GCNT2: variants seen among roughly 807,000 people sequenced by gnomAD.
GCNT2 encodes the protein N-acetyllactosaminide beta-1,6-N-acetylglucosaminyl-transferase.
A neutral mutation model predicts 34.2 loss-of-function variants in GCNT2; 34 were observed. That is an observed-to-expected ratio of 1.00 (90% CI 0.76 to 1.32). GCNT2 has a LOEUF of 1.32. Ranked by LOEUF, GCNT2 falls within the 40% of genes most tolerant of loss-of-function variation. The pLI, the probability that GCNT2 is intolerant of heterozygous loss-of-function variation, is 0.00. For synonymous variants in GCNT2, 212 were observed against 188.0 expected (o/e 1.13, Z -1.04); for missense variants, 584 against 489.4 (o/e 1.19, Z -1.82).
chr6:10,585,525 A>C (rs1202377078), intron 3 of GCNT2, among the ~76,000 whole-genome samples: 1 of 152,176 alleles, frequency 6.6e-6, no homozygotes, highest in Admixed American at 6.5e-5. Context: ...AGAGCCTCTG[A>C]TTCTAGAAGG....
At chr6:10,591,893 G>A (rs1451206460) in intron 3 of GCNT2, among the ~76,000 whole-genome samples, 1 of 152,200 alleles carries the variant, frequency 6.6e-6, no homozygotes, top group East Asian at 1.9e-4. Flanking sequence ...TTCTCTGCAG[G>A]AAGGTCACTG....
In GCNT2 at chr6:10,615,047, G is replaced by A. The variant is rs929953559; in HGVS notation, c.926-6304G>A. Among the ~76,000 whole-genome samples, 27 of 152,142 alleles carry A rather than the reference G, an allele frequency of 1.8e-4. 1 individual carries two copies. Among genetic ancestry groups the A allele is most frequent in the Admixed American group, 1.7e-3 (26 of 15,276 alleles). On this transcript the variant is annotated intron_variant, in intron 3 of 4. Coordinates refer to ENST00000495262, the MANE Select transcript of GCNT2 (RefSeq NM_145649.5). ...AACAAGTTAGTTACAATTAACCCAAGGATATAGGGACCAGATTCACTCACA... is the reference window on the plus strand; with the variant it reads ...AACAAGTTAGTTACAATTAACCCAAAGATATAGGGACCAGATTCACTCACA...
rs1379450494 is a variant in GCNT2, at chr6:10,582,453, TATATAATAA to T, written c.926-38889_926-38881del. Among the ~76,000 whole-genome samples the T allele has an allele frequency of 5.1e-4, 65 of 127,528 alleles. 2 individuals are homozygous for T. The highest frequency in any genetic ancestry group is 1.9e-3 in the African/African-American group (61 of 32,924). 83.7% of individuals were successfully genotyped at this position (127,528 alleles called of 152,430 possible). The stretch of plus-strand genomic sequence containing the variant: ...ATAATTTAATATTTATTATATAATA[TATATAATAA>T]ATATAATATATACTATAATATATAC... On this transcript the variant is annotated intron_variant, in intron 3 of 4. Transcript: ENST00000495262.
chr6:10,529,952 T>C (rs1220090654), intron 3 of GCNT2, 116 bp downstream of exon 3: 15 of 886,416 alleles, frequency 1.7e-5, no homozygotes, highest in African/African-American at 5.1e-5. Context: ...GTTTTAAATG[T>C]CAAATTAAAA....
At chr6:10,546,348 T>C (rs1009750438) in intron 3 of GCNT2, among the ~76,000 whole-genome samples, 18 of 152,240 alleles carry the variant, frequency 1.2e-4, no homozygotes, top group African/African-American at 4.1e-4. Context: ...TTGACTCCCC[T>C]AAAACTCAAC....
intron 3 of GCNT2, among the ~76,000 whole-genome samples, chr6:10,554,747 C>G (rs1762619294): frequency 6.6e-6 from 1 of 152,120 alleles, no homozygotes; most frequent in South Asian, 2.1e-4. Flanking sequence ...ATAGAAGACA[C>G]TAAGAATTAG....
chr6:10,533,915 C>T (rs1761630694), intron 3 of GCNT2, among the ~76,000 whole-genome samples: 1 of 151,664 alleles, frequency 6.6e-6, no homozygotes, highest in African/African-American at 2.4e-5. Context: ...GACCACGCAT[C>T]CTCATTGCTG....
chr6:10,555,134 G>A (rs946461376), intron 3 of GCNT2, among the ~76,000 whole-genome samples: 4 of 152,202 alleles, frequency 2.6e-5, no homozygotes, highest in African/African-American at 7.2e-5. Flanking sequence ...GGTAGTGAAC[G>A]TGTTGGGGTT....
chr6:10,570,757 C>T (rs974224679), intron 3 of GCNT2, among the ~76,000 whole-genome samples: 1 of 152,216 alleles, frequency 6.6e-6, no homozygotes, highest in African/African-American at 2.4e-5. Context: ...GTGAAAACTA[C>T]TGTCCCCAAG....
intron 3 of GCNT2, among the ~76,000 whole-genome samples, chr6:10,565,236 C>T (rs1303242226): frequency 6.6e-6 from 1 of 152,222 alleles, no homozygotes; most frequent in Non-Finnish European, 1.5e-5. Context: ...CAGGCCCTTG[C>T]AGGAGGCCAG....
chr6:10,588,770 T>G (rs927913021), intron 3 of GCNT2, among the ~76,000 whole-genome samples: 1 of 143,112 alleles, frequency 7.0e-6, no homozygotes, highest in African/African-American at 2.6e-5. Context: ...GTGGTGTGTT[T>G]GTAGTGTGTG....
intron 3 of GCNT2, among the ~76,000 whole-genome samples, chr6:10,597,266 G>A (rs1300110941): frequency 2.7e-5 from 4 of 145,738 alleles, no homozygotes; most frequent in African/African-American, 5.1e-5. Context: ...AGCAATTCTC[G>A]TGCCTCAGCC....
intron 3 of GCNT2, among the ~76,000 whole-genome samples, chr6:10,538,600 GAC>G (rs1761891889): frequency 6.6e-6 from 1 of 151,526 alleles, no homozygotes; most frequent in Non-Finnish European, 1.5e-5. Flanking sequence ...GTCATAAAGT[GAC>G]ACAGCACAAC....
intron 3 of GCNT2, chr6:10,573,361 TATC>T: frequency 5.4e-6 from 5 of 925,956 alleles, no homozygotes; most frequent in Non-Finnish European, 6.4e-6. Flanking sequence ...TTGTTGTTGT[TATC>T]TTTGCTTGGG....
At chr6:10,574,455 C>T (rs1294961188) in intron 3 of GCNT2, among the ~76,000 whole-genome samples, 3 of 152,152 alleles carry the variant, frequency 2.0e-5, no homozygotes, top group East Asian at 1.9e-4. Flanking sequence ...CACTGCAACC[C>T]AGATGGCACA....
chr6:10,554,790 C>T (rs1037987855), intron 3 of GCNT2, among the ~76,000 whole-genome samples: 3 of 152,104 alleles, frequency 2.0e-5, no homozygotes, highest in African/African-American at 4.8e-5. Flanking sequence ...TTGTTTTCTA[C>T]TTGACCTAAA....
intron 3 of GCNT2, among the ~76,000 whole-genome samples, chr6:10,611,392 G>A (rs750188222): frequency 7.4e-5 from 11 of 148,960 alleles, no homozygotes; most frequent in East Asian, 5.9e-4. Flanking sequence ...GTGCAGTGAC[G>A]CGATCTCAGC....
intron 3 of GCNT2, among the ~76,000 whole-genome samples, chr6:10,569,235 CCACACACACACACACA>C (rs373362957): frequency 6.3e-5 from 3 of 47,464 alleles, no homozygotes; most frequent in Admixed American, 2.7e-4. Flanking sequence ...ACTCCCCCCG[CCACACACACACACACA>C]CACACACACA....
In GCNT2 at chr6:10,545,406, G is replaced by C. The variant is rs141117656; in HGVS notation, c.925+15570G>C. ...AGCTCAAACTTCCTTAGTGATTTTT[G>C]CTGCTTTAAATACTACCTTTTGTGT... On this transcript the variant is annotated intron_variant, in intron 3 of 4. Transcript: ENST00000495262. 6.6e-5 allele frequency among the ~76,000 whole-genome samples: 10 copies of C among 152,012 alleles called. No individual in the cohort carries two copies. The East Asian group carries it at 1.9e-3, about 29-fold the overall frequency.
Sources: allele counts gnomAD v4.1 joint callset (sites outside exome capture counted in the v4.1 genomes callset), GRCh38; gene constraint gnomAD v4.1.1; transcripts MANE v1.5; gene names NCBI Gene and HGNC (gene_info 2026-07-23, HGNC 2026-07-21).